The following VSNL1 variants were observed in gnomAD, a reference collection of about 807,000 sequenced individuals.
The protein encoded by VSNL1 is visinin like 1.
A neutral mutation model predicts 20.4 loss-of-function variants in VSNL1; 6 were observed. That is an observed-to-expected ratio of 0.29 (90% confidence interval 0.16 to 0.58). The LOEUF (loss-of-function observed/expected upper bound fraction) is 0.58, where lower values mean the gene tolerates loss of function less well. Ranked by LOEUF, VSNL1 falls within the 20% of genes least tolerant of loss-of-function variation. VSNL1 has a pLI of 0.90. For synonymous variants in VSNL1, 93 were observed against 86.4 expected (o/e 1.08, Z -0.42); for missense variants, 100 against 234.5 (o/e 0.43, Z 3.75).
At chr2:17,568,430 A>G (rs1156790844) in intron 1 of VSNL1, among the ~76,000 whole-genome samples, 1 of 152,100 alleles carries the variant, frequency 6.6e-6, no homozygotes, top group Non-Finnish European at 1.5e-5. Flanking sequence ...ACTATGCCAG[A>G]CAAGTATATA....
chr2:17,635,759 G>A (rs1038989299), intron 2 of VSNL1, among the ~76,000 whole-genome samples: 1 of 152,216 alleles, frequency 6.6e-6, no homozygotes, highest in African/African-American at 2.4e-5. Flanking sequence ...GCTGAGGACA[G>A]AAGGAAGCAA....
intron 2 of VSNL1, among the ~76,000 whole-genome samples, chr2:17,645,045 G>GCAGC (rs1665963396): frequency 1.3e-5 from 2 of 152,276 alleles, no homozygotes; most frequent in East Asian, 3.8e-4. Flanking sequence ...AAGACTGTGA[G>GCAGC]CAGCGGAGCA....
intron 1 of VSNL1, among the ~76,000 whole-genome samples, chr2:17,549,162 T>C (rs1519560): frequency 0.045 from 6,805 of 152,314 alleles, 529 homozygotes; most frequent in African/African-American, 0.15. Context: ...TGCATATCTT[T>C]TGTTTATCAC....
chr2:17,545,172 T>C (rs1663378428), intron 1 of VSNL1, among the ~76,000 whole-genome samples: 1 of 152,168 alleles, frequency 6.6e-6, no homozygotes, highest in South Asian at 2.1e-4. Flanking sequence ...CAGTTGCATG[T>C]ACCTTGTTAA....
At chr2:17,597,697 C>A (rs1038417861) in intron 2 of VSNL1, among the ~76,000 whole-genome samples, 1 of 152,220 alleles carries the variant, frequency 6.6e-6, no homozygotes, top group African/African-American at 2.4e-5. Flanking sequence ...ATGCTTCCAG[C>A]TTTTCTAGCT....
chr2:17,640,056 C>G (rs1333901520), intron 2 of VSNL1, among the ~76,000 whole-genome samples: 3 of 152,206 alleles, frequency 2.0e-5, no homozygotes, highest in African/African-American at 7.2e-5. Context: ...TTGAGACCAG[C>G]CTGGTAAACA....
intron 1 of VSNL1, among the ~76,000 whole-genome samples, chr2:17,544,384 T>A (rs143996149): frequency 1.3e-5 from 2 of 152,294 alleles, no homozygotes; most frequent in East Asian, 3.9e-4. Context: ...TCCAGGGTAT[T>A]CTGAACACCA....
Position 17,590,282 on chromosome 2 carries a change from G to T in VSNL1, c.-5-1788G>T, listed in dbSNP as rs575151107. The stretch of plus-strand genomic sequence containing the variant: ...AAAAACCAAAGTAAAGTACTGAAAG[G>T]TTTCACAATAATACATCTTTTGATT... On this transcript the variant is annotated intron_variant, in intron 1 of 3. Coordinates refer to ENST00000295156, the MANE Select transcript of VSNL1 (RefSeq NM_003385.5). 2.0e-5 allele frequency among the ~76,000 whole-genome samples: 3 copies of T among 152,118 alleles called. No individual in the cohort carries two copies. In the South Asian group the frequency reaches 6.2e-4, roughly 32 times the overall value.
chr2:17,561,618 A>G (rs1253724237), intron 1 of VSNL1, among the ~76,000 whole-genome samples: 1 of 152,198 alleles, frequency 6.6e-6, no homozygotes, highest in African/African-American at 2.4e-5. Context: ...TGGAGAATGG[A>G]TTAAGAAGAT....
chr2:17,547,087 G>A (rs1663421077), intron 1 of VSNL1, among the ~76,000 whole-genome samples: 1 of 151,972 alleles, frequency 6.6e-6, no homozygotes, highest in South Asian at 2.1e-4. Flanking sequence ...TTCTAACCAT[G>A]ATTTCAGTTG....
chr2:17,609,089 G>A (rs909722469), intron 2 of VSNL1, among the ~76,000 whole-genome samples: 1 of 152,184 alleles, frequency 6.6e-6, no homozygotes, highest in South Asian at 2.1e-4. Context: ...GTGTCGACAT[G>A]ACTGAAGATT....
intron 1 of VSNL1, among the ~76,000 whole-genome samples, chr2:17,546,475 T>A (rs1395714900): frequency 3.3e-5 from 5 of 151,968 alleles, no homozygotes; most frequent in Non-Finnish European, 7.4e-5. Flanking sequence ...TTTTTTCTAA[T>A]GTAAATCAAC....
chr2:17,569,598 C>T (rs143849032), intron 1 of VSNL1, among the ~76,000 whole-genome samples: 222 of 152,196 alleles, frequency 1.5e-3, no homozygotes, highest in African/African-American at 5.0e-3. Flanking sequence ...TATTTTTCAT[C>T]CGTTACCTCA....
At chr2:17,596,908 T>C (rs868811888) in intron 2 of VSNL1, among the ~76,000 whole-genome samples, 5 of 152,316 alleles carry the variant, frequency 3.3e-5, no homozygotes, top group Middle Eastern at 3.4e-3. Flanking sequence ...AGAAGGGAAA[T>C]GAAAACTATT....
chr2:17,550,756 G>A (rs1663515227), intron 1 of VSNL1, among the ~76,000 whole-genome samples: 1 of 152,162 alleles, frequency 6.6e-6, no homozygotes, highest in African/African-American at 2.4e-5. Context: ...GAACAGAGAT[G>A]AGTTCTCTTC....
chr2:17,563,865 T>G (rs1572334608), intron 1 of VSNL1, among the ~76,000 whole-genome samples: 1 of 152,362 alleles, frequency 6.6e-6, no homozygotes, highest in Non-Finnish European at 1.5e-5. Flanking sequence ...TTGGTGTTTT[T>G]CTTTCTGGTT....
At chr2:17,627,269 C>A (rs1665533979) in intron 2 of VSNL1, among the ~76,000 whole-genome samples, 2 of 152,216 alleles carry the variant, frequency 1.3e-5, no homozygotes, top group African/African-American at 4.8e-5. Context: ...CAATGAAGCA[C>A]CTATCTTGTG....
At chr2:17,640,107 G>A (rs1271477878) in intron 2 of VSNL1, among the ~76,000 whole-genome samples, 2 of 152,074 alleles carry the variant, frequency 1.3e-5, no homozygotes, top group Non-Finnish European at 2.9e-5. Flanking sequence ...AAAATTAGCT[G>A]GGCGCAGTGG....
chr2:17,610,806 A>G (rs183619858), intron 2 of VSNL1, among the ~76,000 whole-genome samples: 2 of 152,124 alleles, frequency 1.3e-5, no homozygotes, highest in African/African-American at 4.8e-5. Flanking sequence ...CTTCCTCTGA[A>G]CTCTAGCCAG....
Sources: allele counts gnomAD v4.1 joint callset (sites outside exome capture counted in the v4.1 genomes callset), GRCh38; gene constraint gnomAD v4.1.1; transcripts MANE v1.5; gene names NCBI Gene and HGNC (gene_info 2026-07-23, HGNC 2026-07-21).